Variants in ADH7 observed in about 807,000 individuals in gnomAD.
ADH7 encodes the protein alcohol dehydrogenase 7 (class IV), mu or sigma polypeptide.
In ADH7, 41 loss-of-function variants were observed where a neutral mutation model predicts 34.4. That is an observed-to-expected ratio of 1.19 (90% CI 0.93 to 1.55). The LOEUF is 1.55. Ranked by LOEUF, ADH7 falls within the 40% of genes most tolerant of loss-of-function variation. ADH7 has a pLI of 0.00. For synonymous variants in ADH7, 180 were observed against 160.9 expected (o/e 1.12, Z -0.90); for missense variants, 540 against 461.2 (o/e 1.17, Z -1.56).
chr4:99,424,598 C>G (rs1721753802), intron 5 of ADH7, among the ~76,000 whole-genome samples: 1 of 152,114 alleles, frequency 6.6e-6, no homozygotes, highest in Non-Finnish European at 1.5e-5. Flanking sequence ...CCTTCACATC[C>G]CTTGTAAGTT....
chr4:99,424,858 A>G (rs1391782169), intron 5 of ADH7, among the ~76,000 whole-genome samples: 2 of 152,018 alleles, frequency 1.3e-5, no homozygotes, highest in Non-Finnish European at 2.9e-5. Context: ...CTAATTGAAT[A>G]CCCTTTATTT....
chr4:99,420,761 G>A lies in ADH7; in HGVS notation c.597C>T (p.Gly199=). The A allele has an allele frequency of 6.2e-7, 1 of 1,613,840 alleles. No homozygotes were observed. The highest frequency in any genetic ancestry group is 1.1e-5 in the South Asian group (1 of 91,068). ...VKPGSTCVVF[G]LGGVGLSVIM... ...TGACTGACAGGCCAACTCCTCCCAG[G>A]CCAAAGACGACGCAAGTGGAACCAG... The change falls in exon 6 of 9, where the codon GGC becomes GGT. Residue 199 remains glycine (G), a synonymous_variant. Coordinates refer to ENST00000437033, the MANE Select transcript of ADH7 (RefSeq NM_000673.7).
chr4:99,418,891 C>T, intron 7 of ADH7, 95 bp downstream of exon 7: 6 of 1,448,058 alleles, frequency 4.1e-6, no homozygotes, highest in South Asian at 2.6e-5. Flanking sequence ...CATACTCATT[C>T]TTGGAAGAAA....
chr4:99,431,004 T>A (rs1721926818), intron 1 of ADH7, among the ~76,000 whole-genome samples: 2 of 152,080 alleles, frequency 1.3e-5, no homozygotes, highest in African/African-American at 4.8e-5. Flanking sequence ...TTCACCATGT[T>A]GGCCAGCATA....
At chr4:99,416,159 A>G (rs868765660) in intron 7 of ADH7, among the ~76,000 whole-genome samples, 1 of 152,110 alleles carries the variant, frequency 6.6e-6, no homozygotes, top group African/African-American at 2.4e-5. Flanking sequence ...ATTAAATTAA[A>G]AAGAAACAAA....
chr4:99,413,445 G>A (rs1383457122), intron 8 of ADH7, among the ~76,000 whole-genome samples: 1 of 152,146 alleles, frequency 6.6e-6, no homozygotes, highest in African/African-American at 2.4e-5. Context: ...AACAAGCCTA[G>A]GAACATGTGA....
Position 99,430,811 on chromosome 4 carries a change from T to A in ADH7, c.19-1178A>T, listed in dbSNP as rs554961587. On this transcript the variant is annotated intron_variant, in intron 1 of 8. Transcript: ENST00000437033. Reference sequence around the variant, plus strand: ...TTAAGATTTTTATTTTTTTATTATTTTTTTTTAGACGCAATCTTGCTCTGT... The same window carrying A: ...TTAAGATTTTTATTTTTTTATTATTATTTTTTAGACGCAATCTTGCTCTGT... Among the ~76,000 whole-genome samples the A allele has an allele frequency of 6.6e-5, 10 of 152,290 alleles. No homozygotes were observed. In the East Asian group the frequency reaches 7.7e-4, roughly 12 times the overall value.
intron 5 of ADH7, among the ~76,000 whole-genome samples, chr4:99,421,571 C>A (rs1036333003): frequency 6.6e-6 from 1 of 152,116 alleles, no homozygotes; most frequent in Non-Finnish European, 1.5e-5. Flanking sequence ...TAGGCAATAC[C>A]ATTCAGAACT....
Position 99,428,180 on chromosome 4 carries a change from G to GGAAAAAAAT in ADH7, c.260-15_260-7dup. 1 of 1,610,982 alleles carries GGAAAAAAAT rather than the reference G, an allele frequency of 6.2e-7. No homozygotes were observed. Among genetic ancestry groups the GGAAAAAAAT allele is most frequent in the Non-Finnish European group, 8.5e-7 (1 of 1,177,976 alleles). On this transcript the variant is annotated splice_region_variant and splice_polypyrimidine_tract_variant and intron_variant, in intron 3 of 8. Transcript: ENST00000437033. ...GAGAGGGATGACTTTGTCACCTACA[G>GGAAAAAAAT]GAAAAAAATCATGATATAAGATGCT...
intron 6 of ADH7, 111 bp downstream of exon 6, chr4:99,420,422 C>A: frequency 9.5e-6 from 12 of 1,258,804 alleles, no homozygotes; most frequent in South Asian, 1.5e-5. Context: ...AACTGACTAT[C>A]GCAGAGATAT....
chr4:99,417,273 A>G (rs1721541286), intron 7 of ADH7, among the ~76,000 whole-genome samples: 3 of 152,200 alleles, frequency 2.0e-5, no homozygotes, highest in East Asian at 3.9e-4. Flanking sequence ...CAAAGGCCCC[A>G]TATAATTTAA....
intron 7 of ADH7, 118 bp from the exon 8 acceptor site, chr4:99,415,734 C>A: frequency 9.4e-7 from 1 of 1,061,514 alleles, no homozygotes; most frequent in East Asian, 2.5e-5. Flanking sequence ...AGATCATTCC[C>A]AGCAGTGTAC....
intron 1 of ADH7, chr4:99,432,658 C>A (rs924060207): frequency 5.3e-5 from 8 of 152,146 alleles, no homozygotes; most frequent in African/African-American, 1.9e-4. Flanking sequence ...TCACTCCTAA[C>A]ACTCCTTCCC....
chr4:99,433,998 T>C (rs1027513985), intron 1 of ADH7, among the ~76,000 whole-genome samples: 2 of 152,172 alleles, frequency 1.3e-5, no homozygotes, highest in South Asian at 2.1e-4. Context: ...TTGGGAAATA[T>C]ATAATCCTTA....
chr4:99,423,425 T>A (rs1027800942), intron 5 of ADH7, among the ~76,000 whole-genome samples: 1 of 151,792 alleles, frequency 6.6e-6, no homozygotes, highest in Non-Finnish European at 1.5e-5. Flanking sequence ...ATGGTATTTC[T>A]AGCTCTAGAT....
intron 8 of ADH7, among the ~76,000 whole-genome samples, chr4:99,415,089 A>G (rs1721485759): frequency 6.6e-6 from 1 of 152,106 alleles, no homozygotes; most frequent in Non-Finnish European, 1.5e-5. Flanking sequence ...CATGATAGTG[A>G]GTGAGTTTTC....
At position 99,413,189 on chromosome 4, in the gene ADH7, G is replaced by A; in HGVS notation, c.1101-17C>T. The A allele has an allele frequency of 6.2e-7, 1 of 1,612,896 alleles. No homozygotes were observed. Among genetic ancestry groups the A allele is most frequent in the Non-Finnish European group, 8.5e-7 (1 of 1,179,236 alleles). ...GTTCGAATGCTGAAATGTAAAATGA[G>A]AGTTTTTAATGACTTGTTTTCATAT... On this transcript the variant is annotated splice_polypyrimidine_tract_variant and intron_variant, in intron 8 of 8. Coordinates refer to ENST00000437033, the MANE Select transcript of ADH7 (RefSeq NM_000673.7).
chr4:99,430,123 A>C (rs1437498700), intron 1 of ADH7: 2 of 152,628 alleles, frequency 1.3e-5, no homozygotes, highest in African/African-American at 2.4e-5. Context: ...ATGGTGAAGA[A>C]ATTAGACTAT....
Position 99,412,912 on chromosome 4 carries a change from G to A in ADH7, c.*236C>T, listed in dbSNP as rs915635483. ...TGTTTTCTTAAAAGATACAATTATA[G>A]CCTTACAAAATGTAAATCAAAAATA... is the stretch of plus-strand genomic sequence containing the variant. On this transcript the variant is annotated 3_prime_UTR_variant, in exon 9 of 9. Transcript: ENST00000437033. 32 of 421,196 alleles carry A rather than the reference G, an allele frequency of 7.6e-5. 2 individuals carry two copies. The highest frequency in any genetic ancestry group is 4.2e-4 in the East Asian group (11 of 25,888). The allele number at this position is 421,196 out of a possible 1,614,324, so 26.1% of individuals were successfully genotyped here. A position where few individuals can be genotyped will look rare whatever the true frequency, so the allele number is the denominator to read the frequency against.
Sources: allele counts gnomAD v4.1 joint callset (sites outside exome capture counted in the v4.1 genomes callset), GRCh38; gene constraint gnomAD v4.1.1; transcripts MANE v1.5; gene names NCBI Gene and HGNC (gene_info 2026-07-23, HGNC 2026-07-21).